The following AP1G1 variants were observed in gnomAD, a reference collection of about 807,000 sequenced individuals.
AP1G1 encodes the protein AP-1 complex subunit gamma-1.
A neutral mutation model predicts 108.3 loss-of-function variants in AP1G1; 7 were observed. That is an observed-to-expected ratio of 0.06 (90% confidence interval 0.04 to 0.12). The LOEUF (loss-of-function observed/expected upper bound fraction) is 0.12. Among genes scored for constraint, AP1G1 ranks in the 10% least tolerant of loss-of-function variants. AP1G1 has a pLI of 1.00. For synonymous variants in AP1G1, 379 were observed against 353.5 expected, an observed-to-expected ratio of 1.07 and a Z score of -0.81; for missense variants, 756 against 1,010.7, an observed-to-expected ratio of 0.75 and a Z score of 3.42.
chr16:71,755,996 T>C (rs1193557163), intron 12 of AP1G1, 23 bp downstream of exon 12: 1 of 1,602,068 alleles, frequency 6.2e-7, no homozygotes, highest in Non-Finnish European at 8.5e-7. Flanking sequence ...ACTTTACCAA[T>C]AAAGGTAAAA....
chr16:71,782,786 G>T (rs958983470), intron 2 of AP1G1, among the ~76,000 whole-genome samples: 3 of 151,894 alleles, frequency 2.0e-5, no homozygotes, highest in African/African-American at 7.3e-5. Flanking sequence ...ATGCCCAGCC[G>T]ATTATTATTC....
chr16:71,752,607 A>G (rs1055779978), intron 13 of AP1G1, among the ~76,000 whole-genome samples: 1 of 152,170 alleles, frequency 6.6e-6, no homozygotes, highest in Admixed American at 6.5e-5. Context: ...ACTTTTACAT[A>G]CACATTTTTG....
In AP1G1 at chr16:71,769,620, T is replaced by C. The variant is rs775089585; in HGVS notation, c.642+3A>G. 6.2e-7 allele frequency: 1 copy of C among 1,612,012 alleles called. No homozygotes were observed. Among genetic ancestry groups the C allele is most frequent in the South Asian group, 1.1e-5 (1 of 90,998 alleles). Reference sequence around the variant, plus strand: ...AGGCTTAGGCATACAGAATGGCACCTACCTTTCTGAAATGCGCAAGCATGT... The same window carrying C: ...AGGCTTAGGCATACAGAATGGCACCCACCTTTCTGAAATGCGCAAGCATGT... On this transcript the variant is annotated splice_donor_region_variant and intron_variant, in intron 6 of 22. Coordinates refer to ENST00000299980, the MANE Select transcript of AP1G1 (RefSeq NM_001128.6).
chr16:71,786,652 G>C (rs1024254927), intron 2 of AP1G1, among the ~76,000 whole-genome samples: 4 of 152,044 alleles, frequency 2.6e-5, no homozygotes, highest in Non-Finnish European at 5.9e-5. Flanking sequence ...GTAGAGAGGG[G>C]GTTCCACCAT....
At chr16:71,796,853 G>A (rs1331689433) in intron 1 of AP1G1, among the ~76,000 whole-genome samples, 2 of 151,970 alleles carry the variant, frequency 1.3e-5, no homozygotes, top group Admixed American at 1.3e-4. Context: ...CATGCCTACT[G>A]AACAATTCAA....
chr16:71,759,387 G>C (rs560223638), intron 10 of AP1G1, among the ~76,000 whole-genome samples: 1 of 152,258 alleles, frequency 6.6e-6, no homozygotes, highest in East Asian at 1.9e-4. Context: ...CTGGAACCTG[G>C]GAGGCTGCGG....
At chr16:71,807,922 G>A in intron 1 of AP1G1, 1 of 1,278,274 alleles carries the variant, frequency 7.8e-7, no homozygotes, top group East Asian at 5.6e-5. Flanking sequence ...AGCACAGGGA[G>A]GGAATCCACA....
intron 2 of AP1G1, chr16:71,777,746 C>T (rs971475372): frequency 2.5e-5 from 11 of 444,718 alleles, no homozygotes; most frequent in Middle Eastern, 3.5e-4. Context: ...TTCTTTCTTT[C>T]GCTCTTTCTG....
chr16:71,787,892 C>T (rs2145521771), intron 2 of AP1G1, among the ~76,000 whole-genome samples: 1 of 152,276 alleles, frequency 6.6e-6, no homozygotes, highest in East Asian at 1.9e-4. Context: ...GAGAAGAATG[C>T]TATTATGACA....
At chr16:71,808,592 C>G in intron 1 of AP1G1, 171 bp downstream of exon 1, 1 of 1,289,484 alleles carries the variant, frequency 7.8e-7, no homozygotes, top group South Asian at 1.2e-5. Flanking sequence ...GAAGTCGGAG[C>G]AGCCCCTGGG....
At chr16:71,751,689 A>T (rs2030517019) in intron 13 of AP1G1, among the ~76,000 whole-genome samples, 1 of 152,228 alleles carries the variant, frequency 6.6e-6, no homozygotes, top group African/African-American at 2.4e-5. Flanking sequence ...TTGTATAATA[A>T]GACTACTTCA....
intron 3 of AP1G1, among the ~76,000 whole-genome samples, chr16:71,774,132 C>G (rs2031683885): frequency 6.8e-6 from 1 of 146,892 alleles, no homozygotes; most frequent in Non-Finnish European, 1.5e-5. Context: ...AACCCTAGTA[C>G]TTTGGGAAGC....
Position 71,765,597 on chromosome 16 carries a change from A to G in AP1G1, c.643-13T>C. On this transcript the variant is annotated splice_polypyrimidine_tract_variant and intron_variant, in intron 6 of 22. Transcript: ENST00000299980. The stretch of plus-strand genomic sequence containing the variant: ...ATTGGGGCACAAGCTGCAGAGAAGA[A>G]AGATGCATCAAAAAACAGTGAATAT... 6.3e-7 allele frequency: 1 copy of G among 1,586,712 alleles called. No homozygotes were observed. Among genetic ancestry groups the G allele is most frequent in the Non-Finnish European group, 8.7e-7 (1 of 1,155,432 alleles).
At chr16:71,793,302 G>A (rs959594363) in intron 1 of AP1G1, among the ~76,000 whole-genome samples, 1 of 152,114 alleles carries the variant, frequency 6.6e-6, no homozygotes, top group African/African-American at 2.4e-5. Context: ...ATTATCTCAA[G>A]CAGCCAATAT....
intron 21 of AP1G1, among the ~76,000 whole-genome samples, chr16:71,735,058 G>A (rs189201852): frequency 5.3e-4 from 80 of 152,176 alleles, no homozygotes; most frequent in Middle Eastern, 3.4e-3. Flanking sequence ...GTAAAATATC[G>A]GTGCTTTTGG....
chr16:71,790,154 A>C (rs553505947), intron 1 of AP1G1, among the ~76,000 whole-genome samples: 1 of 152,222 alleles, frequency 6.6e-6, no homozygotes, highest in Admixed American at 6.5e-5. Flanking sequence ...AATTGTTAAC[A>C]AACAGAAAAA....
intron 6 of AP1G1, chr16:71,766,501 T>C (rs1435392512): frequency 8.9e-6 from 4 of 449,364 alleles, no homozygotes; most frequent in Non-Finnish European, 1.8e-5. Context: ...TAGGAACTTT[T>C]TATGTTTCCA....
chr16:71,752,551 T>G (rs904764222), intron 13 of AP1G1, among the ~76,000 whole-genome samples: 1 of 152,214 alleles, frequency 6.6e-6, no homozygotes, highest in African/African-American at 2.4e-5. Flanking sequence ...TGGGGACTAC[T>G]AGTTGTTTCC....
chr16:71,808,383 G>C, intron 1 of AP1G1: 1 of 935,344 alleles, frequency 1.1e-6, no homozygotes, highest in South Asian at 1.7e-5. Flanking sequence ...ACACAAGAAC[G>C]CTGATACGTG....
Sources: allele counts gnomAD v4.1 joint callset (sites outside exome capture counted in the v4.1 genomes callset), GRCh38; gene constraint gnomAD v4.1.1; transcripts MANE v1.5; gene names NCBI Gene and HGNC (gene_info 2026-07-23, HGNC 2026-07-21).